Variants in FOXJ3 observed in about 807,000 individuals in gnomAD.
FOXJ3 encodes the protein forkhead box protein J3.
In FOXJ3, 22 loss-of-function variants were observed where a neutral mutation model predicts 76.1. The observed-to-expected ratio is 0.29, with a 90% CI of 0.21 to 0.41. The LOEUF is 0.41. Among genes scored for constraint, FOXJ3 ranks in the 10% least tolerant of loss-of-function variants. FOXJ3 has a pLI of 1.00. For missense variants in FOXJ3, 613 were observed against 762.1 expected, an observed-to-expected ratio of 0.80 and a Z score of 2.30; for synonymous variants, 269 against 261.2, an observed-to-expected ratio of 1.03 and a Z score of -0.29.
At chr1:42,296,158 C>T (rs1221811998) in intron 2 of FOXJ3, among the ~76,000 whole-genome samples, 1 of 152,136 alleles carries the variant, frequency 6.6e-6, no homozygotes, top group African/African-American at 2.4e-5. Context: ...AGAAATGTCT[C>T]ATGTCCTCTG....
chr1:42,280,356 T>A (rs1464216475), intron 2 of FOXJ3: 1 of 977,616 alleles, frequency 1.0e-6, no homozygotes, highest in Non-Finnish European at 1.2e-6. Flanking sequence ...TTACTCATTT[T>A]CTCAAATTCC....
intron 2 of FOXJ3, among the ~76,000 whole-genome samples, chr1:42,304,824 T>C (rs1654360514): frequency 6.6e-6 from 1 of 152,132 alleles, no homozygotes; most frequent in African/African-American, 2.4e-5. Context: ...TCCAGGATGT[T>C]GGAGTGGGCA....
intron 4 of FOXJ3, among the ~76,000 whole-genome samples, chr1:42,257,600 G>A (rs372113312): frequency 1.3e-5 from 2 of 151,930 alleles, no homozygotes; most frequent in Admixed American, 6.6e-5. Flanking sequence ...TTAGCCAGGC[G>A]TGGTGGCACA....
At chr1:42,256,186 T>C (rs1003276204) in intron 4 of FOXJ3, among the ~76,000 whole-genome samples, 2 of 152,220 alleles carry the variant, frequency 1.3e-5, no homozygotes, top group African/African-American at 2.4e-5. Flanking sequence ...GATTTCCTGA[T>C]GGCATACACA....
At chr1:42,189,482 T>TTATTCCTG in intron 9 of FOXJ3, 78 bp from the exon 10 acceptor site, 1 of 1,014,376 alleles carries the variant, frequency 9.9e-7, no homozygotes. Context: ...TGAGCTGCCC[T>TTATTCCTG]TATTCCTGAA....
intron 2 of FOXJ3, among the ~76,000 whole-genome samples, chr1:42,302,440 G>A (rs951021703): frequency 2.0e-5 from 3 of 152,228 alleles, no homozygotes; most frequent in Non-Finnish European, 4.4e-5. Context: ...AAGACAGGTG[G>A]GTCCAGACCA....
At chr1:42,328,890 C>G (rs1177924477) in intron 1 of FOXJ3, among the ~76,000 whole-genome samples, 1 of 152,036 alleles carries the variant, frequency 6.6e-6, no homozygotes, top group East Asian at 1.9e-4. Context: ...TGGTCTCAAA[C>G]TCCTGACCTC....
chr1:42,276,047 A>C (rs1317002324), intron 3 of FOXJ3, among the ~76,000 whole-genome samples: 1 of 152,190 alleles, frequency 6.6e-6, no homozygotes, highest in African/African-American at 2.4e-5. Flanking sequence ...GAAAAGGGAC[A>C]ATCACCATTT....
chr1:42,315,646 T>G (rs933415012), intron 1 of FOXJ3, among the ~76,000 whole-genome samples: 1 of 152,208 alleles, frequency 6.6e-6, no homozygotes, highest in Non-Finnish European at 1.5e-5. Context: ...AACAAACATA[T>G]ATCAGTCTTC....
chr1:42,186,081 A>C (rs1043985855), intron 11 of FOXJ3, among the ~76,000 whole-genome samples: 3 of 152,136 alleles, frequency 2.0e-5, no homozygotes, highest in Non-Finnish European at 4.4e-5. Flanking sequence ...TCTCCTCTTG[A>C]CTATACTTCT....
chr1:42,329,739 T>G (rs566641853), intron 1 of FOXJ3, among the ~76,000 whole-genome samples: 28 of 152,368 alleles, frequency 1.8e-4, no homozygotes, highest in African/African-American at 6.5e-4. Flanking sequence ...ATATGTATCT[T>G]TGTACACTGT....
chr1:42,187,181 T>C (rs1475991460), intron 11 of FOXJ3, among the ~76,000 whole-genome samples: 1 of 152,250 alleles, frequency 6.6e-6, no homozygotes, highest in Non-Finnish European at 1.5e-5. Flanking sequence ...ACCCACATCA[T>C]CTTCTACTTC....
chr1:42,321,560 C>A (rs778585880), intron 1 of FOXJ3, among the ~76,000 whole-genome samples: 8 of 152,066 alleles, frequency 5.3e-5, no homozygotes, highest in Non-Finnish European at 7.4e-5. Context: ...ATGTATGTAC[C>A]AGGACTCTTC....
At chr1:42,250,234 C>A (rs1649912412) in intron 4 of FOXJ3, among the ~76,000 whole-genome samples, 1 of 152,110 alleles carries the variant, frequency 6.6e-6, no homozygotes, top group African/African-American at 2.4e-5. Context: ...CTCAACTCTT[C>A]TAATTATTTT....
At chr1:42,334,077 G>A in intron 1 of FOXJ3, 1 of 821,088 alleles carries the variant, frequency 1.2e-6, no homozygotes, top group Non-Finnish European at 1.5e-6. Context: ...ACACGGAATA[G>A]TAAAACCTTT....
At chr1:42,197,642 A>C (rs1305275182) in intron 7 of FOXJ3, among the ~76,000 whole-genome samples, 1 of 152,014 alleles carries the variant, frequency 6.6e-6, no homozygotes, top group Non-Finnish European at 1.5e-5. Context: ...AATACAATGT[A>C]AACAGTTGTT....
At chr1:42,301,833 T>C (rs1557710434) in intron 2 of FOXJ3, among the ~76,000 whole-genome samples, 1 of 152,218 alleles carries the variant, frequency 6.6e-6, no homozygotes, top group Non-Finnish European at 1.5e-5. Flanking sequence ...TTAGGATCCA[T>C]CGCTGAAGAG....
chr1:42,323,236 G>C (rs1269357769), intron 1 of FOXJ3, among the ~76,000 whole-genome samples: 1 of 152,152 alleles, frequency 6.6e-6, no homozygotes, highest in Non-Finnish European at 1.5e-5. Context: ...AGAAGATTGA[G>C]ATAAACACTT....
chr1:42,328,742 T>C (rs1004519726), intron 1 of FOXJ3, among the ~76,000 whole-genome samples: 1 of 150,804 alleles, frequency 6.6e-6, no homozygotes, highest in Non-Finnish European at 1.5e-5. Context: ...TGCAGCGGCA[T>C]TGCAACCTCG....
Sources: allele counts gnomAD v4.1 joint callset (sites outside exome capture counted in the v4.1 genomes callset), GRCh38; gene constraint gnomAD v4.1.1; transcripts MANE v1.5; gene names NCBI Gene and HGNC (gene_info 2026-07-23, HGNC 2026-07-21).